Variants in BTRC observed in about 807,000 individuals in gnomAD.
BTRC encodes the protein beta-transducin repeat containing E3 ubiquitin protein ligase, also known as F-box/WD repeat-containing protein 1A.
BTRC carries 42 observed loss-of-function variants against 85.5 expected under a neutral mutation model. The ratio of observed to expected loss-of-function variants is 0.49; its 90% CI spans 0.38 to 0.64. The LOEUF is 0.64. Among genes scored for constraint, BTRC ranks in the 30% least tolerant of loss-of-function variants. The probability of loss-of-function intolerance (pLI) is 0.00; values close to 1 mark genes in which losing one functional copy is unlikely to be tolerated. For missense variants in BTRC, 594 were observed against 743.5 expected (o/e 0.80, Z 2.34); for synonymous variants, 255 against 263.3 (o/e 0.97, Z 0.30).
At chr10:101,435,587 A>G (rs756061370) in intron 2 of BTRC, among the ~76,000 whole-genome samples, 1 of 152,164 alleles carries the variant, frequency 6.6e-6, no homozygotes, top group Non-Finnish European at 1.5e-5. Context: ...TTGTTTATCC[A>G]TTCATTTATT....
chr10:101,445,649 T>G (rs1322517483), intron 2 of BTRC, among the ~76,000 whole-genome samples: 1 of 152,198 alleles, frequency 6.6e-6, no homozygotes, highest in Non-Finnish European at 1.5e-5. Context: ...GGAGTTATTT[T>G]CTTGCTCTAC....
At chr10:101,503,794 A>G (rs539051255) in intron 4 of BTRC, among the ~76,000 whole-genome samples, 22 of 152,316 alleles carry the variant, frequency 1.4e-4, no homozygotes, top group African/African-American at 4.1e-4. Flanking sequence ...TATTTTCCTA[A>G]TCCCAGTTTT....
intron 2 of BTRC, chr10:101,453,438 G>A (rs1369949276): frequency 6.6e-6 from 1 of 152,188 alleles, no homozygotes; most frequent in Non-Finnish European, 1.5e-5. Flanking sequence ...GCATTGGTGT[G>A]AAATGTTCGC....
chr10:101,393,221 C>T (rs1943281295), intron 1 of BTRC, among the ~76,000 whole-genome samples: 3 of 152,172 alleles, frequency 2.0e-5, no homozygotes, highest in Non-Finnish European at 2.9e-5. Flanking sequence ...AGCCCCTTCG[C>T]CCATACCTTG....
intron 1 of BTRC, among the ~76,000 whole-genome samples, chr10:101,373,988 A>C (rs892420508): frequency 2.6e-5 from 4 of 152,106 alleles, no homozygotes; most frequent in African/African-American, 9.7e-5. Context: ...GAGACTTGGA[A>C]GGTGGAAAGC....
At chr10:101,433,917 T>C (rs780822103) in intron 2 of BTRC, among the ~76,000 whole-genome samples, 2 of 152,146 alleles carry the variant, frequency 1.3e-5, no homozygotes, top group Non-Finnish European at 2.9e-5. Context: ...TTATATGGCT[T>C]ATATCTATTG....
chr10:101,498,773 C>T (rs547108157), intron 4 of BTRC, among the ~76,000 whole-genome samples: 1 of 152,050 alleles, frequency 6.6e-6, no homozygotes, highest in Admixed American at 6.5e-5. Context: ...GGCAGATGAC[C>T]GAAGGTCAGG....
chr10:101,498,569 G>A (rs952455445), intron 4 of BTRC, among the ~76,000 whole-genome samples: 1 of 152,154 alleles, frequency 6.6e-6, no homozygotes, highest in African/African-American at 2.4e-5. Flanking sequence ...CATTTTTAAA[G>A]TATTTTAGTC....
At chr10:101,466,469 C>T (rs1307889688) in intron 3 of BTRC, among the ~76,000 whole-genome samples, 6 of 152,148 alleles carry the variant, frequency 3.9e-5, no homozygotes, top group African/African-American at 1.4e-4. Context: ...AAGATAAAAA[C>T]CATCTGGCTC....
chr10:101,387,528 CTTTTTT>C (rs535656002), intron 1 of BTRC, among the ~76,000 whole-genome samples: 2 of 45,120 alleles, frequency 4.4e-5, no homozygotes, highest in Non-Finnish European at 6.9e-5. Context: ...CTTCATGGGA[CTTTTTT>C]TTTTTTTTTT....
intron 1 of BTRC, among the ~76,000 whole-genome samples, chr10:101,415,951 C>A (rs1474473477): frequency 2.6e-5 from 4 of 152,164 alleles, no homozygotes. Flanking sequence ...CATGCTGTCC[C>A]TGCTTGTAGC....
At chr10:101,474,535 C>T (rs1301793011) in intron 3 of BTRC, among the ~76,000 whole-genome samples, 2 of 152,124 alleles carry the variant, frequency 1.3e-5, no homozygotes, top group African/African-American at 2.4e-5. Flanking sequence ...CCTTCATGTA[C>T]GTAGTTTGGG....
At chr10:101,383,528 T>C (rs1347811597) in intron 1 of BTRC, among the ~76,000 whole-genome samples, 1 of 152,134 alleles carries the variant, frequency 6.6e-6, no homozygotes, top group Non-Finnish European at 1.5e-5. Flanking sequence ...TTTCTTCCTT[T>C]CTTTCCTTCT....
intron 1 of BTRC, among the ~76,000 whole-genome samples, chr10:101,400,406 A>G (rs1443026054): frequency 7.4e-6 from 1 of 135,566 alleles, no homozygotes; most frequent in African/African-American, 2.5e-5. Context: ...AGTCATTGAA[A>G]TACTGCTGAG....
chr10:101,532,777 T>TGC (rs1263685776), intron 8 of BTRC, among the ~76,000 whole-genome samples, 175 bp from the exon 9 acceptor site: 47 of 70,218 alleles, frequency 6.7e-4, no homozygotes, highest in South Asian at 1.2e-3. Flanking sequence ...TGTGTGTGTG[T>TGC]GTGTGTGTGT....
chr10:101,515,391 T>G (rs1362292294), intron 4 of BTRC, among the ~76,000 whole-genome samples: 1 of 152,226 alleles, frequency 6.6e-6, no homozygotes, highest in African/African-American at 2.4e-5. Context: ...TTGGAAAGAA[T>G]AAACATCTTA....
At chr10:101,380,833 G>T (rs1396445869) in intron 1 of BTRC, among the ~76,000 whole-genome samples, 1 of 152,144 alleles carries the variant, frequency 6.6e-6, no homozygotes, top group Non-Finnish European at 1.5e-5. Context: ...GTGATTAAGT[G>T]GTTGTGTGAG....
intron 1 of BTRC, among the ~76,000 whole-genome samples, chr10:101,419,142 C>G (rs1279784718): frequency 6.6e-6 from 1 of 151,970 alleles, no homozygotes; most frequent in Non-Finnish European, 1.5e-5. Context: ...TCTGGAGTAG[C>G]TGGAATTATA....
At chr10:101,519,652 A>C (rs1379864609) in intron 4 of BTRC, among the ~76,000 whole-genome samples, 2 of 152,206 alleles carry the variant, frequency 1.3e-5, no homozygotes, top group Non-Finnish European at 2.9e-5. Context: ...CAATACCTAC[A>C]TTACTGTTTG....
Sources: gnomAD v4.1 joint callset for allele counts (sites outside exome capture counted in the v4.1 genomes callset) on GRCh38, gnomAD v4.1.1 for gene constraint, MANE v1.5 for transcripts, NCBI Gene and HGNC (gene_info 2026-07-23, HGNC 2026-07-21) for gene names.